The following KCNQ5 variants were observed in gnomAD, a reference collection of about 807,000 sequenced individuals.
KCNQ5 encodes the protein potassium voltage-gated channel subfamily KQT member 5.
A neutral mutation model predicts 98.2 loss-of-function variants in KCNQ5; 30 were observed. That is an observed-to-expected ratio of 0.31 (90% CI 0.23 to 0.41). The LOEUF (loss-of-function observed/expected upper bound fraction) is 0.41, where lower values mean the gene tolerates loss of function less well. KCNQ5 is among the 10% of genes least tolerant of loss of function. The pLI is 1.00. For missense variants in KCNQ5, 835 were observed against 1,182.5 expected (o/e 0.71, Z 4.31); for synonymous variants, 458 against 449.4 (o/e 1.02, Z -0.24).
chr6:73,192,128 A>G (rs1295608372), intron 12 of KCNQ5, among the ~76,000 whole-genome samples: 1 of 152,184 alleles, frequency 6.6e-6, no homozygotes, highest in Non-Finnish European at 1.5e-5. Flanking sequence ...ATCTTCTCCA[A>G]CTTGAACTCC....
At chr6:73,091,468 T>A (rs1032983374) in intron 5 of KCNQ5, among the ~76,000 whole-genome samples, 3 of 151,890 alleles carry the variant, frequency 2.0e-5, no homozygotes, top group African/African-American at 7.3e-5. Flanking sequence ...ACTTAAAGTA[T>A]AATAAAAAAG....
intron 5 of KCNQ5, among the ~76,000 whole-genome samples, chr6:73,097,034 G>T (rs1774533483): frequency 6.6e-6 from 1 of 151,144 alleles, no homozygotes; most frequent in Non-Finnish European, 1.5e-5. Flanking sequence ...GAGTGACTCA[G>T]TCTCAGAAAA....
chr6:72,735,468 G>A (rs767657885), intron 1 of KCNQ5, among the ~76,000 whole-genome samples: 5 of 151,986 alleles, frequency 3.3e-5, no homozygotes, highest in Non-Finnish European at 7.4e-5. Context: ...TATACTTTTT[G>A]TATACAATAG....
chr6:72,730,661 C>A (rs12200908), intron 1 of KCNQ5, among the ~76,000 whole-genome samples: 16,213 of 152,060 alleles, frequency 0.11, 914 homozygotes, highest in South Asian at 0.17. Context: ...TATTTTGCTT[C>A]TTAAATTTAC....
chr6:72,936,961 T>G (rs1765951375), intron 1 of KCNQ5, among the ~76,000 whole-genome samples: 1 of 152,230 alleles, frequency 6.6e-6, no homozygotes. Context: ...ATTTGTGTAT[T>G]TTGCATAATT....
At chr6:73,052,614 C>T (rs1345041704) in intron 3 of KCNQ5, among the ~76,000 whole-genome samples, 1 of 152,150 alleles carries the variant, frequency 6.6e-6, no homozygotes, top group Non-Finnish European at 1.5e-5. Context: ...AAATTCCAAA[C>T]AAGAATTTCA....
chr6:72,760,752 C>T (rs1772227793), intron 1 of KCNQ5, among the ~76,000 whole-genome samples: 2 of 152,024 alleles, frequency 1.3e-5, no homozygotes, highest in Non-Finnish European at 2.9e-5. Context: ...ACTGTCAAAA[C>T]TGATGAATCA....
intron 13 of KCNQ5, among the ~76,000 whole-genome samples, chr6:73,193,760 T>C (rs560544200): frequency 2.8e-4 from 42 of 151,910 alleles, no homozygotes; most frequent in Non-Finnish European, 1.6e-4. Context: ...ATAAGTTCCT[T>C]ACTAGATTTC....
At chr6:72,623,121 C>T (rs774396043) in intron 1 of KCNQ5, among the ~76,000 whole-genome samples, 11 of 152,028 alleles carry the variant, frequency 7.2e-5, no homozygotes, top group East Asian at 1.9e-4. Context: ...TAAGCGCGCC[C>T]GGAAACACGC....
chr6:72,779,853 G>A (rs200006238), intron 1 of KCNQ5, among the ~76,000 whole-genome samples: 7,916 of 147,692 alleles, frequency 0.054, 540 homozygotes, highest in African/African-American at 0.15. Flanking sequence ...GTGTGTGTGT[G>A]TGTGTGTGTG....
At chr6:72,997,644 A>G (rs1449911160) in intron 1 of KCNQ5, among the ~76,000 whole-genome samples, 2 of 151,558 alleles carry the variant, frequency 1.3e-5, no homozygotes, top group Non-Finnish European at 2.9e-5. Flanking sequence ...TTAGCCAAGC[A>G]TGGTGATGGG....
intron 3 of KCNQ5, among the ~76,000 whole-genome samples, chr6:73,048,362 G>A (rs150467071): frequency 2.4e-3 from 360 of 152,268 alleles, no homozygotes; most frequent in South Asian, 9.7e-3. Flanking sequence ...TGTACAAGGT[G>A]GAGACATAAG....
intron 1 of KCNQ5, among the ~76,000 whole-genome samples, chr6:72,668,856 T>C (rs748309813): frequency 6.6e-6 from 1 of 151,606 alleles, no homozygotes; most frequent in Non-Finnish European, 1.5e-5. Context: ...CTTCCAGCCT[T>C]CTTAGAAGGA....
intron 1 of KCNQ5, among the ~76,000 whole-genome samples, chr6:72,872,367 A>G (rs1778245186): frequency 6.6e-6 from 1 of 152,198 alleles, no homozygotes; most frequent in African/African-American, 2.4e-5. Flanking sequence ...TCTACTCTGT[A>G]GAAAATGGAC....
At chr6:73,034,734 A>G (rs933339317) in intron 2 of KCNQ5, among the ~76,000 whole-genome samples, 3 of 152,186 alleles carry the variant, frequency 2.0e-5, no homozygotes, top group Non-Finnish European at 2.9e-5. Context: ...GGTGTGACAT[A>G]TGAAGAGGCT....
chr6:72,665,357 A>AAT (rs1435915311), intron 1 of KCNQ5, among the ~76,000 whole-genome samples: 1 of 151,848 alleles, frequency 6.6e-6, no homozygotes, highest in Non-Finnish European at 1.5e-5. Flanking sequence ...AAAAAAAAAA[A>AAT]AAATCTCAGT....
chr6:73,001,104 T>C (rs1282463511), intron 1 of KCNQ5, among the ~76,000 whole-genome samples: 1 of 152,236 alleles, frequency 6.6e-6, no homozygotes, highest in African/African-American at 2.4e-5. Context: ...TGTTGAAACC[T>C]TACTCTTCCT....
At chr6:72,710,508 C>G (rs1289683427) in intron 1 of KCNQ5, among the ~76,000 whole-genome samples, 1 of 151,946 alleles carries the variant, frequency 6.6e-6, no homozygotes, top group African/African-American at 2.4e-5. Flanking sequence ...TTATTACATG[C>G]CAATGGAAAT....
At chr6:72,713,049 A>G (rs1769449939) in intron 1 of KCNQ5, among the ~76,000 whole-genome samples, 1 of 152,214 alleles carries the variant, frequency 6.6e-6, no homozygotes, top group African/African-American at 2.4e-5. Context: ...TACATAATAA[A>G]TAAATGAATA....
Sources: allele counts gnomAD v4.1 joint callset (sites outside exome capture counted in the v4.1 genomes callset), GRCh38; gene constraint gnomAD v4.1.1; transcripts MANE v1.5; gene names NCBI Gene and HGNC (gene_info 2026-07-23, HGNC 2026-07-21).